Variants in SNX13 observed in about 807,000 individuals in gnomAD.
SNX13 encodes the protein sorting nexin 13.
SNX13 carries 45 observed loss-of-function variants against 133.6 expected under a neutral mutation model. The ratio of observed to expected loss-of-function variants is 0.34; its 90% CI spans 0.27 to 0.43. The LOEUF (loss-of-function observed/expected upper bound fraction) is 0.43, where lower values mean the gene tolerates loss of function less well. SNX13 is among the 20% of genes least tolerant of loss of function. The pLI, the probability that SNX13 is intolerant of heterozygous loss-of-function variation, is 1.00. For missense variants in SNX13, 1,032 were observed against 1,145.1 expected, an observed-to-expected ratio of 0.90 and a Z score of 1.43; for synonymous variants, 414 against 373.9, an observed-to-expected ratio of 1.11 and a Z score of -1.24.
At chr7:17,913,760 CAAAAAAAA>C (rs71010278) in intron 1 of SNX13, among the ~76,000 whole-genome samples, 1 of 54,078 alleles carries the variant, frequency 1.8e-5, no homozygotes, top group Non-Finnish European at 3.1e-5. Flanking sequence ...TTAACAAAAA[CAAAAAAAA>C]AAAAAAAAAA....
At position 17,845,647 on chromosome 7, in the gene SNX13, T is replaced by C. The variant is rs756396494; in HGVS notation, c.1113A>G (p.Thr371=). Reference sequence around the variant, plus strand: ...CTACAAGAATGCTGTCCAGGGGGACTGTGCAAAGTTTCCCAAAGTTTGCTG... The same window carrying C: ...CTACAAGAATGCTGTCCAGGGGGACCGTGCAAAGTTTCCCAAAGTTTGCTG... ...KLAANFGKLC[T]VPLDSILVDN... The change falls in exon 12 of 26, where the codon ACA becomes ACG. Residue 371 remains threonine (T), a synonymous_variant. Coordinates refer to ENST00000428135, the MANE Select transcript of SNX13 (RefSeq NM_015132.5). 39 of 1,603,888 alleles carry C rather than the reference T, an allele frequency of 2.4e-5. No homozygotes were observed. In the South Asian group the frequency reaches 4.2e-4, roughly 17 times the overall value.
chr7:17,831,028 A>C (rs1365920514), intron 15 of SNX13: 1 of 984,282 alleles, frequency 1.0e-6, no homozygotes, highest in Non-Finnish European at 1.2e-6. Flanking sequence ...ACTTAAAATA[A>C]GTAAAATAGT....
intron 9 of SNX13, among the ~76,000 whole-genome samples, chr7:17,852,217 T>G (rs1791302628): frequency 6.6e-6 from 1 of 151,922 alleles, no homozygotes; most frequent in Non-Finnish European, 1.5e-5. Context: ...CTACTAAAAA[T>G]AGAAAAATTA....
chr7:17,876,662 A>G (rs957199812), intron 5 of SNX13, among the ~76,000 whole-genome samples: 2 of 152,060 alleles, frequency 1.3e-5, no homozygotes, highest in Non-Finnish European at 2.9e-5. Context: ...ACACATATAA[A>G]AGCCTTTAGA....
At chr7:17,880,967 C>G (rs954507669) in intron 5 of SNX13, 1 of 151,964 alleles carries the variant, frequency 6.6e-6, no homozygotes, top group Non-Finnish European at 1.5e-5. Context: ...GTAGACTTGC[C>G]TGACTAGAGG....
intron 5 of SNX13, among the ~76,000 whole-genome samples, chr7:17,883,818 T>A (rs1163338729): frequency 6.6e-6 from 1 of 151,554 alleles, no homozygotes; most frequent in African/African-American, 2.4e-5. Context: ...GAACATACGG[T>A]GTTTGGTTTT....
intron 15 of SNX13, chr7:17,830,621 TCA>T (rs1184040861): frequency 4.3e-5 from 42 of 983,952 alleles, no homozygotes; most frequent in Non-Finnish European, 4.8e-5. Flanking sequence ...CAATTCCATT[TCA>T]TTAAAAAGCA....
chr7:17,830,521 C>G (rs1213572137), intron 15 of SNX13: 1 of 983,646 alleles, frequency 1.0e-6, no homozygotes, highest in African/African-American at 1.8e-5. Flanking sequence ...ATTAAGTCCT[C>G]TTATTCTTGG....
intron 1 of SNX13, among the ~76,000 whole-genome samples, chr7:17,906,161 C>A (rs1798376545): frequency 6.6e-6 from 1 of 152,070 alleles, no homozygotes; most frequent in African/African-American, 2.4e-5. Context: ...AGAACGACAG[C>A]CAGATGGCAC....
At chr7:17,848,981 C>G (rs997731664) in intron 11 of SNX13, among the ~76,000 whole-genome samples, 1 of 152,144 alleles carries the variant, frequency 6.6e-6, no homozygotes, top group Non-Finnish European at 1.5e-5. Context: ...GTAGTAGGAC[C>G]AAGTCACCAG....
chr7:17,840,221 T>G (rs965115442), intron 12 of SNX13, among the ~76,000 whole-genome samples: 8 of 151,756 alleles, frequency 5.3e-5, no homozygotes, highest in African/African-American at 1.9e-4. Context: ...TATTTCAGAA[T>G]TTTTTCAATC....
At chr7:17,809,227 C>T (rs564220737) in intron 20 of SNX13, among the ~76,000 whole-genome samples, 2 of 121,352 alleles carry the variant, frequency 1.6e-5, no homozygotes, top group Non-Finnish European at 3.2e-5. Flanking sequence ...CATGCAAAGA[C>T]ACACATAGGC....
Position 17,870,411 on chromosome 7 carries a change from G to T in SNX13, c.754-1921C>A, listed in dbSNP as rs1044277338. On this transcript the variant is annotated intron_variant, in intron 8 of 25. Transcript: ENST00000428135. ...AAAAGAAAACAAAGAAAGAGCTAAA[G>T]GAAAAAAAACTGACTTGCTGAATGC... Among the ~76,000 whole-genome samples the T allele has an allele frequency of 2.0e-5, 3 of 151,884 alleles. No individual in the cohort carries two copies. In the South Asian group the frequency reaches 6.2e-4, roughly 31 times the overall value.
intron 9 of SNX13, among the ~76,000 whole-genome samples, chr7:17,864,140 C>A (rs760010983): frequency 1.3e-5 from 2 of 152,094 alleles, no homozygotes; most frequent in Non-Finnish European, 2.9e-5. Context: ...TGAACATCTA[C>A]AAGCACCAAG....
chr7:17,846,237 C>A (rs1790507026), intron 11 of SNX13, among the ~76,000 whole-genome samples: 1 of 151,174 alleles, frequency 6.6e-6, no homozygotes, highest in Non-Finnish European at 1.5e-5. Context: ...AGGAAACAAC[C>A]TACATATGAA....
intron 12 of SNX13, among the ~76,000 whole-genome samples, chr7:17,843,862 T>C (rs966210021): frequency 6.6e-6 from 1 of 151,912 alleles, no homozygotes; most frequent in African/African-American, 2.4e-5. Flanking sequence ...ACACAACCAA[T>C]GGATCAAAGA....
chr7:17,937,444 G>A (rs767080138), intron 1 of SNX13, among the ~76,000 whole-genome samples: 1 of 150,334 alleles, frequency 6.7e-6, no homozygotes, highest in Non-Finnish European at 1.5e-5. Context: ...AACCTGGAAG[G>A]CGGAGGTTGC....
At chr7:17,873,498 AG>A (rs1158968846) in intron 8 of SNX13, 29 bp downstream of exon 8, 7 of 1,433,496 alleles carry the variant, frequency 4.9e-6, no homozygotes, top group Non-Finnish European at 5.5e-6. Flanking sequence ...ATTTTTTTGC[AG>A]GTATGATATG....
At chr7:17,925,758 C>T (rs1800674641) in intron 1 of SNX13, among the ~76,000 whole-genome samples, 1 of 149,676 alleles carries the variant, frequency 6.7e-6, no homozygotes, top group Non-Finnish European at 1.5e-5. Flanking sequence ...CAATCTCTCA[C>T]AACAATGAAG....
Sources: allele counts gnomAD v4.1 joint callset (sites outside exome capture counted in the v4.1 genomes callset), GRCh38; gene constraint gnomAD v4.1.1; transcripts MANE v1.5; gene names NCBI Gene and HGNC (gene_info 2026-07-23, HGNC 2026-07-21).